CACNB4: variants seen among roughly 807,000 people sequenced by gnomAD.
The protein encoded by CACNB4 is calcium voltage-gated channel auxiliary subunit beta 4.
In CACNB4, 32 loss-of-function variants were observed where a neutral mutation model predicts 71.2. The ratio of observed to expected loss-of-function variants is 0.45; its 90% CI spans 0.34 to 0.60. The LOEUF (loss-of-function observed/expected upper bound fraction) is 0.60. Among genes scored for constraint, CACNB4 ranks in the 20% least tolerant of loss-of-function variants. The pLI is 0.01. For missense variants in CACNB4, 464 were observed against 647.9 expected, an observed-to-expected ratio of 0.72 and a Z score of 3.08; for synonymous variants, 231 against 236.9, an observed-to-expected ratio of 0.97 and a Z score of 0.23.
intron 2 of CACNB4, chr2:151,973,849 C>G (rs568704394): frequency 1.3e-6 from 2 of 1,486,268 alleles, no homozygotes; most frequent in Admixed American, 4.5e-5. Context: ...ATTTACCAGG[C>G]AAGATGCTAT....
At chr2:151,899,331 T>C (rs1352379851) in intron 2 of CACNB4, among the ~76,000 whole-genome samples, 1 of 152,060 alleles carries the variant, frequency 6.6e-6, no homozygotes, top group Non-Finnish European at 1.5e-5. Flanking sequence ...GCCTGAGAAA[T>C]AAAACAGTAC....
At chr2:151,934,525 G>A (rs570371511) in intron 2 of CACNB4, among the ~76,000 whole-genome samples, 1 of 152,342 alleles carries the variant, frequency 6.6e-6, no homozygotes, top group East Asian at 1.9e-4. Context: ...AAGAATGACA[G>A]ACGTGAGACT....
chr2:152,070,029 G>A (rs145945176), intron 2 of CACNB4, among the ~76,000 whole-genome samples: 1 of 151,772 alleles, frequency 6.6e-6, no homozygotes, highest in East Asian at 1.9e-4. Context: ...ATTTTTATTA[G>A]AGACAGGGTT....
chr2:151,904,802 T>C (rs971123122), intron 2 of CACNB4, among the ~76,000 whole-genome samples: 1 of 152,336 alleles, frequency 6.6e-6, no homozygotes, highest in Admixed American at 6.5e-5. Flanking sequence ...CCCAAAGTGC[T>C]GGGATTACAG....
Position 151,839,315 on chromosome 2 carries a change from A to G in CACNB4, c.1367T>C (p.Met456Thr). The G allele has an allele frequency of 6.2e-7, 1 of 1,613,416 alleles. No individual in the cohort carries two copies. Among genetic ancestry groups the G allele is most frequent in the Non-Finnish European group, 8.5e-7 (1 of 1,179,376 alleles). ...ATTGTGATAATTTTCATCAGAGGTC[A>G]TTAGACTTCGTCTTTCAATTGGAGA... ...ENSPIERRSL[M>T]TSDENYHNER... is the part of the protein sequence containing the mutation. Residue 456 changes from methionine (M) to threonine (T), a missense_variant, in exon 14 of 14, where the codon ATG becomes ACG. By Grantham distance (81) the Met-to-Thr change is moderately conservative. This residue lies in a region of CACNB4 where 115 missense variants were observed against 128.8 expected (regional missense o/e 0.89). Coordinates refer to ENST00000539935, the MANE Select transcript of CACNB4 (RefSeq NM_000726.5).
At chr2:152,086,857 G>A (rs890649835) in intron 2 of CACNB4, among the ~76,000 whole-genome samples, 5 of 152,086 alleles carry the variant, frequency 3.3e-5, no homozygotes, top group South Asian at 2.1e-4. Context: ...GTGGCCGGGC[G>A]CGGTGGCTCA....
At chr2:151,869,389 T>C (rs2151402428) in intron 8 of CACNB4, 154 bp from the exon 9 acceptor site, 1 of 576,402 alleles carries the variant, frequency 1.7e-6, no homozygotes, top group Non-Finnish European at 3.2e-6. Flanking sequence ...GAAGGTGTTT[T>C]TCATGCTTAA....
chr2:152,059,674 T>C (rs1031912866), intron 2 of CACNB4, among the ~76,000 whole-genome samples: 6 of 152,226 alleles, frequency 3.9e-5, no homozygotes, highest in Non-Finnish European at 7.3e-5. Flanking sequence ...GACTTTGGAC[T>C]TTTGGGTTAA....
intron 2 of CACNB4, among the ~76,000 whole-genome samples, chr2:152,042,324 G>T (rs1023042092): frequency 4.6e-5 from 7 of 152,126 alleles, no homozygotes. Flanking sequence ...TCATCCGTCT[G>T]CTCCCTCCCC....
In CACNB4 at chr2:151,842,417, G is replaced by A. The variant is rs1427374554; in HGVS notation, c.1117-329C>T. 2.3e-5 allele frequency among the ~76,000 whole-genome samples: 3 copies of A among 132,960 alleles called. No homozygotes were observed. The East Asian group carries it at 7.0e-4, about 31-fold the overall frequency. The allele number at this position is 132,960 out of a possible 152,430, so 87.2% of individuals were successfully genotyped here. A position where few individuals can be genotyped will look rare whatever the true frequency, so the allele number is the denominator to read the frequency against. On this transcript the variant is annotated intron_variant, in intron 12 of 13. Transcript: ENST00000539935. ...ACGATCTCGGCTCAATGCAACCTCT[G>A]TCCACTGAGTTCAAGCAATTCTCCT...
At chr2:151,877,500 G>A (rs2099846748) in intron 4 of CACNB4, among the ~76,000 whole-genome samples, 1 of 152,136 alleles carries the variant, frequency 6.6e-6, no homozygotes, top group African/African-American at 2.4e-5. Context: ...CAATGTAACT[G>A]GAACTCTGGA....
chr2:152,002,951 T>C (rs972633563), intron 2 of CACNB4, among the ~76,000 whole-genome samples: 4 of 152,214 alleles, frequency 2.6e-5, no homozygotes, highest in Non-Finnish European at 5.9e-5. Flanking sequence ...GGTAGAAAAT[T>C]TGAGAGCCCC....
At chr2:152,068,122 C>T (rs150111810) in intron 2 of CACNB4, among the ~76,000 whole-genome samples, 1 of 152,228 alleles carries the variant, frequency 6.6e-6, no homozygotes, top group East Asian at 1.9e-4. Flanking sequence ...TCTCTCATGT[C>T]AAAGTCAGAG....
At chr2:151,971,808 C>A in intron 2 of CACNB4, 1 of 563,684 alleles carries the variant, frequency 1.8e-6, no homozygotes, top group Non-Finnish European at 3.2e-6. Context: ...ATCCCGCCCA[C>A]CTGAAAGCCT....
intron 2 of CACNB4, among the ~76,000 whole-genome samples, chr2:151,952,245 A>C (rs1225220915): frequency 6.6e-6 from 1 of 152,190 alleles, no homozygotes; most frequent in Non-Finnish European, 1.5e-5. Flanking sequence ...ATGTATAAAT[A>C]ACATACAAAG....
At chr2:151,948,573 A>G (rs935723767) in intron 2 of CACNB4, among the ~76,000 whole-genome samples, 1 of 152,114 alleles carries the variant, frequency 6.6e-6, no homozygotes, top group Non-Finnish European at 1.5e-5. Context: ...AGGTGGGAGA[A>G]TCATCTGAGC....
chr2:151,892,297 C>T (rs2099850901), intron 2 of CACNB4, among the ~76,000 whole-genome samples: 1 of 151,374 alleles, frequency 6.6e-6, no homozygotes, highest in South Asian at 2.1e-4. Flanking sequence ...GAGTCAGATT[C>T]TTGAGAGAGA....
chr2:152,062,426 T>C (rs897267799), intron 2 of CACNB4, among the ~76,000 whole-genome samples: 7 of 152,240 alleles, frequency 4.6e-5, no homozygotes, highest in African/African-American at 1.4e-4. Context: ...AGTCTCTCTA[T>C]GTACTGTGTC....
At chr2:152,010,897 C>T (rs991424798) in intron 2 of CACNB4, among the ~76,000 whole-genome samples, 52 of 152,146 alleles carry the variant, frequency 3.4e-4, no homozygotes, top group African/African-American at 1.2e-3. Context: ...AAAACTAAAA[C>T]GTTTCCTGTA....
Sources: gnomAD v4.1 joint callset for allele counts (sites outside exome capture counted in the v4.1 genomes callset) on GRCh38, gnomAD v4.1.1 for gene constraint, gnomAD v4.1.1 regional missense constraint, MANE v1.5 for transcripts, NCBI Gene and HGNC (gene_info 2026-07-23, HGNC 2026-07-21) for gene names.